Variants in PRRC2B observed in about 807,000 individuals in gnomAD.
The protein encoded by PRRC2B is protein PRRC2B.
Under a neutral mutation model 242.3 loss-of-function variants are expected in PRRC2B, and 68 were observed. That is an observed-to-expected ratio of 0.28 (90% confidence interval 0.23 to 0.34). PRRC2B has a LOEUF of 0.34. PRRC2B is among the 10% of genes least tolerant of loss of function. The pLI is 1.00. For synonymous variants in PRRC2B, 1,228 were observed against 1,173.6 expected (o/e 1.05, Z -0.95); for missense variants, 2,835 against 2,954.8 (o/e 0.96, Z 0.94).
intron 14 of PRRC2B, among the ~76,000 whole-genome samples, chr9:131,471,406 T>C (rs1054714046): frequency 2.6e-5 from 4 of 152,230 alleles, no homozygotes; most frequent in South Asian, 4.1e-4. Flanking sequence ...TCTTTTCTTA[T>C]TTCCTTTAAA....
chr9:131,457,424 C>T (rs1943113290), intron 10 of PRRC2B, among the ~76,000 whole-genome samples: 1 of 152,200 alleles, frequency 6.6e-6, no homozygotes, highest in African/African-American at 2.4e-5. Context: ...GACAGTTTTG[C>T]CCCTGACTTT....
At chr9:131,448,570 A>AAAAAAAAAAAAAAAAAAAAAG (rs1838902755) in intron 9 of PRRC2B, among the ~76,000 whole-genome samples, 3 of 140,434 alleles carry the variant, frequency 2.1e-5, no homozygotes, top group African/African-American at 5.3e-5. Flanking sequence ...AAAAAAAAAA[A>AAAAAAAAAAAAAAAAAAAAAG]GGAAAGAGAA....
rs7867402 is a variant in PRRC2B, at chr9:131,403,798, A to G, written c.-52+9535A>G. Among the ~76,000 whole-genome samples, 1,132 of 152,166 alleles carry G rather than the reference A, an allele frequency of 7.4e-3. 21 individuals are homozygous for G. Among genetic ancestry groups the G allele is most frequent in the African/African-American group, 0.026 (1,090 of 41,506 alleles). ...TTCTAGGCTCAGTGCACGTATAAAT[A>G]TGGCCTCATGTAGGGAGGTTTTTTA... is the stretch of plus-strand genomic sequence containing the variant. On this transcript the variant is annotated intron_variant, in intron 1 of 31. Coordinates refer to ENST00000683519, the MANE Select transcript of PRRC2B (RefSeq NM_013318.4).
chr9:131,435,157 G>A (rs1426147675), intron 3 of PRRC2B, among the ~76,000 whole-genome samples: 1 of 151,856 alleles, frequency 6.6e-6, no homozygotes, highest in African/African-American at 2.4e-5. Context: ...AATTAGCTGG[G>A]CGTGGTCGTG....
At chr9:131,420,453 T>TTTTCTTTTTC (rs1837777532) in intron 1 of PRRC2B, among the ~76,000 whole-genome samples, 5 of 60,988 alleles carry the variant, frequency 8.2e-5, no homozygotes, top group African/African-American at 2.1e-4. Context: ...TTCTTTTTCT[T>TTTTCTTTTTC]TTTCTTTCTT....
At position 131,455,128 on chromosome 9, in the gene PRRC2B, A is replaced by C; in HGVS notation, c.1173A>C (p.Glu391Asp). Residue 391 changes from glutamate (E) to aspartate (D), a missense_variant, in exon 10 of 32, where the codon GAA (glutamate) becomes GAC (aspartate). Around this residue, in one of 7 missense-constraint regions of PRRC2B, gnomAD observed 626 missense variants for 685.5 expected, o/e 0.91. Coordinates refer to ENST00000683519, the MANE Select transcript of PRRC2B (RefSeq NM_013318.4). Reference sequence around the variant, plus strand: ...AGAAACTGAAGTTCAGTGATGATGAAGAGGAGGAAGAAGTTGTGAAGGACG... The same window carrying C: ...AGAAACTGAAGTTCAGTGATGATGACGAGGAGGAAGAAGTTGTGAAGGACG... ...YSEKLKFSDD[E>D]EEEEVVKDGR... 1 of 1,613,804 alleles carries C rather than the reference A, an allele frequency of 6.2e-7. No individual in the cohort carries two copies. The highest frequency in any genetic ancestry group is 8.5e-7 in the Non-Finnish European group (1 of 1,179,812).
intron 1 of PRRC2B, among the ~76,000 whole-genome samples, chr9:131,398,564 A>T (rs1259927586): frequency 6.6e-6 from 1 of 152,034 alleles, no homozygotes; most frequent in African/African-American, 2.4e-5. Flanking sequence ...GATAACCATC[A>T]GTCTTTTTCT....
chr9:131,415,148 C>T (rs1393004300), intron 1 of PRRC2B, among the ~76,000 whole-genome samples: 5 of 152,006 alleles, frequency 3.3e-5, no homozygotes, highest in Admixed American at 1.3e-4. Context: ...TGTGCGCCAT[C>T]ACGCCCAGCT....
chr9:131,475,948 C>T lies in PRRC2B; in HGVS notation c.3819C>T (p.Asp1273=), dbSNP rs763013464. The change falls in exon 16 of 32, where the codon GAC becomes GAT. Residue 1273 remains aspartate, a synonymous_variant. Transcript: ENST00000683519. The stretch of plus-strand genomic sequence containing the variant: ...CATTTGGTGGCCGGGGCTTTGAGGA[C>T]AGCCGCGCGGAGGACAAGAGATCCT... The part of the protein sequence containing the change: ...PDAFGGRGFE[D]SRAEDKRSFF... 2.5e-6 allele frequency: 4 copies of T among 1,613,642 alleles called. No homozygotes were observed. Among genetic ancestry groups the T allele is most frequent in the African/African-American group, 1.3e-5 (1 of 74,944 alleles).
intron 1 of PRRC2B, among the ~76,000 whole-genome samples, chr9:131,420,493 C>CTTTCTTTCTTTCTTTCTTTCTTTCTT: frequency 3.3e-4 from 10 of 30,178 alleles, no homozygotes; most frequent in African/African-American, 7.6e-4. Flanking sequence ...TTCTTTCTTT[C>CTTTCTTTCTTTCTTTCTTTCTTTCTT]TTTTTTTTTT....
chr9:131,426,586 G>A lies in PRRC2B; in HGVS notation c.-51-3508G>A, dbSNP rs531706154. On this transcript the variant is annotated intron_variant, in intron 1 of 31. Transcript: ENST00000683519. ...AATGGCCCATGGACCCCAGGGCAAG[G>A]AAGCAGCCAGGTCATGGGCACCGCA... 8.5e-5 allele frequency among the ~76,000 whole-genome samples: 13 copies of A among 152,124 alleles called. No individual in the cohort carries two copies. The South Asian group carries it at 2.7e-3, about 32-fold the overall frequency.
intron 1 of PRRC2B, among the ~76,000 whole-genome samples, chr9:131,413,357 G>A (rs947745424): frequency 9.9e-5 from 15 of 152,208 alleles, no homozygotes; most frequent in African/African-American, 3.4e-4. Context: ...TAGGGTGGAC[G>A]CATCAGGTTG....
chr9:131,414,690 C>T (rs1380332191), intron 1 of PRRC2B, among the ~76,000 whole-genome samples: 1 of 151,736 alleles, frequency 6.6e-6, no homozygotes. Flanking sequence ...CTGCCTCAGC[C>T]TCCCAAGTAG....
intron 1 of PRRC2B, among the ~76,000 whole-genome samples, chr9:131,421,223 A>G (rs1837830345): frequency 6.6e-6 from 1 of 152,174 alleles, no homozygotes; most frequent in African/African-American, 2.4e-5. Flanking sequence ...TCCTGTCTCC[A>G]TGTCCCCAGC....
At chr9:131,478,909 C>T (rs949815713) in intron 18 of PRRC2B, among the ~76,000 whole-genome samples, 3 of 152,144 alleles carry the variant, frequency 2.0e-5, no homozygotes, top group Non-Finnish European at 4.4e-5. Flanking sequence ...AGGCAAGATG[C>T]AGACCTCCGT....
At chr9:131,391,471 G>A (rs933511321), upstream of PRRC2B, among the ~76,000 whole-genome samples, 5 of 152,112 alleles carry the variant, frequency 3.3e-5, no homozygotes, top group Admixed American at 1.3e-4. Flanking sequence ...TGCATCTCAA[G>A]ATCCTTAACT....
Position 131,474,497 on chromosome 9 carries a change from G to A in PRRC2B, c.2368G>A (p.Val790Ile), listed in dbSNP as rs201362040. 34 of 1,613,964 alleles carry A rather than the reference G, an allele frequency of 2.1e-5. No individual in the cohort carries two copies. The highest frequency in any genetic ancestry group is 1.7e-4 in the Middle Eastern group (1 of 6,040). ...TGCCTCACTCGGAAGGGCAGGGGGCGTAAGTGCTCAGCGCGATCTCTTTGA... is the reference window on the plus strand; with the variant it reads ...TGCCTCACTCGGAAGGGCAGGGGGCATAAGTGCTCAGCGCGATCTCTTTGA... ...FSASLGRAGG[V>I]SAQRDLFEER... Residue 790 changes from valine to isoleucine, a missense_variant, in exon 16 of 32, where the codon GTA becomes ATA. Coordinates refer to ENST00000683519, the MANE Select transcript of PRRC2B (RefSeq NM_013318.4).
chr9:131,474,252 A>T (rs951389729), intron 15 of PRRC2B, among the ~76,000 whole-genome samples: 1 of 151,828 alleles, frequency 6.6e-6, no homozygotes, highest in African/African-American at 2.4e-5. Context: ...CATTTCTGAG[A>T]CGTGTTTAAA....
intron 1 of PRRC2B, among the ~76,000 whole-genome samples, chr9:131,404,799 C>T (rs1837323596): frequency 6.6e-6 from 1 of 152,206 alleles, no homozygotes; most frequent in Non-Finnish European, 1.5e-5. Flanking sequence ...TTGATTTAAC[C>T]TCTGTCTCCT....
Sources: gnomAD v4.1 joint callset for allele counts (sites outside exome capture counted in the v4.1 genomes callset) on GRCh38, gnomAD v4.1.1 for gene constraint, gnomAD v4.1.1 regional missense constraint, MANE v1.5 for transcripts, NCBI Gene and HGNC (gene_info 2026-07-23, HGNC 2026-07-21) for gene names.